Variants in PRKG1 observed in about 807,000 individuals in gnomAD.
PRKG1 encodes cGMP-dependent protein kinase 1.
In PRKG1, 35 loss-of-function variants were observed where a neutral mutation model predicts 88.1. The observed-to-expected ratio is 0.40, with a 90% CI of 0.30 to 0.53. The LOEUF (loss-of-function observed/expected upper bound fraction) is 0.53. PRKG1 is among the 20% of genes least tolerant of loss of function. PRKG1 has a pLI of 0.59. For missense variants in PRKG1, 540 were observed against 839.8 expected (o/e 0.64, Z 4.41); for synonymous variants, 303 against 292.5 (o/e 1.04, Z -0.37).
At chr10:51,615,663 T>A (rs1299893486) in intron 3 of PRKG1, among the ~76,000 whole-genome samples, 1 of 151,752 alleles carries the variant, frequency 6.6e-6, no homozygotes, top group Non-Finnish European at 1.5e-5. Flanking sequence ...CTTGGTTCTT[T>A]TTTTTTTAAT....
chr10:51,317,680 G>A (rs977959469), intron 2 of PRKG1, among the ~76,000 whole-genome samples: 6 of 152,014 alleles, frequency 3.9e-5, no homozygotes, highest in Non-Finnish European at 1.5e-5. Context: ...AACTCATAGA[G>A]AAAGTCAAGG....
chr10:51,669,440 G>A (rs1840502448), intron 3 of PRKG1, among the ~76,000 whole-genome samples: 1 of 152,160 alleles, frequency 6.6e-6, no homozygotes, highest in Non-Finnish European at 1.5e-5. Context: ...TCACACAGGT[G>A]GTTAAGGCTT....
chr10:51,495,175 A>G (rs1201305176), intron 3 of PRKG1, among the ~76,000 whole-genome samples: 1 of 152,002 alleles, frequency 6.6e-6, no homozygotes, highest in Non-Finnish European at 1.5e-5. Flanking sequence ...GCTCACTGCA[A>G]CCTCTGCCTC....
At chr10:51,642,475 G>A (rs1309617007) in intron 3 of PRKG1, among the ~76,000 whole-genome samples, 1 of 152,128 alleles carries the variant, frequency 6.6e-6, no homozygotes, top group African/African-American at 2.4e-5. Context: ...CACTGAACCT[G>A]CTATTCAAGA....
intron 3 of PRKG1, among the ~76,000 whole-genome samples, chr10:51,559,391 A>T (rs1463496955): frequency 1.3e-5 from 2 of 152,132 alleles, no homozygotes; most frequent in East Asian, 3.9e-4. Flanking sequence ...TGATTGCATT[A>T]GAGGTGACTG....
chr10:51,362,727 C>T (rs1330935329), intron 2 of PRKG1, among the ~76,000 whole-genome samples: 1 of 151,750 alleles, frequency 6.6e-6, no homozygotes, highest in African/African-American at 2.4e-5. Flanking sequence ...TTGCTGCACC[C>T]ATCAACCCAT....
At chr10:51,454,318 G>A (rs959355364) in intron 2 of PRKG1, among the ~76,000 whole-genome samples, 16 of 151,844 alleles carry the variant, frequency 1.1e-4, no homozygotes, top group Non-Finnish European at 1.6e-4. Context: ...CAAATCTGGA[G>A]GTATCACATT....
At chr10:51,035,853 T>C (rs930495157) in intron 1 of PRKG1, among the ~76,000 whole-genome samples, 4 of 152,202 alleles carry the variant, frequency 2.6e-5, no homozygotes, top group African/African-American at 9.6e-5. Context: ...GTCTTTCTAC[T>C]GTTTATCCAT....
At chr10:52,099,188 A>T (rs1000195554) in intron 7 of PRKG1, among the ~76,000 whole-genome samples, 5 of 108,430 alleles carry the variant, frequency 4.6e-5, no homozygotes, top group Admixed American at 2.1e-4. Context: ...TTGTAAAATT[A>T]CAGTGTAATC....
intron 5 of PRKG1, among the ~76,000 whole-genome samples, chr10:51,934,465 G>C (rs1017787157): frequency 1.3e-5 from 2 of 152,118 alleles, no homozygotes; most frequent in Non-Finnish European, 2.9e-5. Flanking sequence ...CATTCGTTAA[G>C]ATATATTAAG....
At chr10:52,231,790 T>C (rs1025990511) in intron 9 of PRKG1, among the ~76,000 whole-genome samples, 2 of 152,244 alleles carry the variant, frequency 1.3e-5, no homozygotes, top group Admixed American at 1.3e-4. Context: ...TGCTCATTTC[T>C]GTTTAAATCT....
In PRKG1 at chr10:51,542,899, A is replaced by G. The variant is rs75502472; in HGVS notation, c.592+75063A>G. On this transcript the variant is annotated intron_variant, in intron 3 of 17. Coordinates refer to ENST00000373980, the MANE Select transcript of PRKG1 (RefSeq NM_006258.4). ...ATTACACAATTGCCTATGACACTGC[A>G]AACATTAACGTTTTGATTCTTCCTT... Among the ~76,000 whole-genome samples, 309 of 152,308 alleles carry G rather than the reference A, an allele frequency of 2.0e-3. 2 individuals are homozygous for G. Among genetic ancestry groups the G allele is most frequent in the African/African-American group, 7.2e-3 (298 of 41,588 alleles).
At chr10:51,393,102 C>T (rs1456581844) in intron 2 of PRKG1, among the ~76,000 whole-genome samples, 9 of 141,264 alleles carry the variant, frequency 6.4e-5, no homozygotes, top group African/African-American at 1.4e-4. Flanking sequence ...ACTTCTCAGA[C>T]GGGGCGGTTG....
intron 1 of PRKG1, among the ~76,000 whole-genome samples, chr10:51,016,382 T>A (rs1479572554): frequency 6.6e-6 from 1 of 152,174 alleles, no homozygotes; most frequent in Non-Finnish European, 1.5e-5. Context: ...TTATTATGAT[T>A]GAATCAAATT....
At chr10:51,877,164 T>C (rs1841320207) in intron 4 of PRKG1, among the ~76,000 whole-genome samples, 1 of 152,148 alleles carries the variant, frequency 6.6e-6, no homozygotes, top group Non-Finnish European at 1.5e-5. Context: ...GTTGAATTCC[T>C]GAGCTCAAGC....
At chr10:51,324,812 T>C (rs1236845869) in intron 2 of PRKG1, among the ~76,000 whole-genome samples, 3 of 152,222 alleles carry the variant, frequency 2.0e-5, no homozygotes, top group Non-Finnish European at 4.4e-5. Context: ...GACACTTATG[T>C]TGCTTCCATA....
intron 1 of PRKG1, among the ~76,000 whole-genome samples, chr10:51,005,162 G>A (rs181229065): frequency 1.4e-3 from 213 of 152,132 alleles, no homozygotes; most frequent in African/African-American, 4.7e-3. Context: ...GTATTCAATC[G>A]TGTGATTGGA....
rs74132522 is a variant in PRKG1 at position 51,550,137 on chromosome 10, C to T, written c.592+82301C>T. Among the ~76,000 whole-genome samples the T allele has an allele frequency of 7.2e-3, 1,102 of 152,146 alleles. 12 individuals are homozygous for T. Among genetic ancestry groups the T allele is most frequent in the African/African-American group, 0.025 (1,021 of 41,542 alleles). On this transcript the variant is annotated intron_variant, in intron 3 of 17. Transcript: ENST00000373980. ...AATACTAAGTCTCTACTAGGAACTA[C>T]AGGAACCTAAAACTTATAAAATCCA...
At chr10:51,758,849 C>T (rs10999308) in intron 3 of PRKG1, among the ~76,000 whole-genome samples, 2,884 of 142,242 alleles carry the variant, frequency 0.02, 105 homozygotes, top group African/African-American at 0.07. Context: ...CTCCTCTTCC[C>T]CCCCACCCCC....
Sources: allele counts gnomAD v4.1 joint callset (sites outside exome capture counted in the v4.1 genomes callset), GRCh38; gene constraint gnomAD v4.1.1; transcripts MANE v1.5; gene names NCBI Gene and HGNC (gene_info 2026-07-23, HGNC 2026-07-21).